The following IFT122 variants were observed in gnomAD, a reference collection of about 807,000 sequenced individuals.
IFT122 encodes the protein intraflagellar transport protein 122 homolog.
IFT122 carries 118 observed loss-of-function variants against 161.6 expected under a neutral mutation model. The observed-to-expected ratio is 0.73, with a 90% CI of 0.63 to 0.85. The LOEUF (loss-of-function observed/expected upper bound fraction) is 0.85, where lower values mean the gene tolerates loss of function less well. IFT122 is among the 40% of genes least tolerant of loss of function. IFT122 has a pLI of 0.00. For missense variants in IFT122, 1,381 were observed against 1,579.6 expected (o/e 0.87, Z 2.13); for synonymous variants, 550 against 602.4 (o/e 0.91, Z 1.27).
rs759107218 is a variant in IFT122, at chr3:129,464,753, A to G, written c.535A>G (p.Ile179Val). 72 of 1,614,020 alleles carry G rather than the reference A, an allele frequency of 4.5e-5. 1 individual carries two copies. The South Asian group carries it at 4.7e-4, about 11-fold the overall frequency. The change falls in exon 7 of 30, where the codon ATA becomes GTA. Residue 179 changes from isoleucine to valine, a missense_variant. Ile to Val is a conservative substitution (Grantham distance 29). Transcript: ENST00000348417. The stretch of plus-strand genomic sequence containing the variant: ...GCGGCCGGGGGGCTCCCTCTCGCCA[A>G]TATGGTCCATCTGCTGGAACCCTTC... Reference protein sequence around the residue: ...IERPGGSLSPIWSICWNPSSR... With the variant: ...IERPGGSLSPVWSICWNPSSR...
intron 9 of IFT122, among the ~76,000 whole-genome samples, chr3:129,474,067 C>T (rs3774767): frequency 2.0e-5 from 3 of 151,964 alleles, no homozygotes; most frequent in Non-Finnish European, 4.4e-5. Flanking sequence ...GGAAAGTTTT[C>T]GTTGCTAGGC....
chr3:129,508,723 G>C (rs748413611), intron 23 of IFT122, among the ~76,000 whole-genome samples: 2 of 152,212 alleles, frequency 1.3e-5, no homozygotes, highest in Admixed American at 6.5e-5. Flanking sequence ...GCATCCTGCT[G>C]GTTGTGGAAG....
At chr3:129,502,198 T>C (rs1021592372) in intron 19 of IFT122, among the ~76,000 whole-genome samples, 1 of 152,198 alleles carries the variant, frequency 6.6e-6, no homozygotes, top group African/African-American at 2.4e-5. Context: ...CACCTCTTCC[T>C]TTAGAGGGCA....
chr3:129,499,061 C>G (rs1368567601), intron 18 of IFT122, among the ~76,000 whole-genome samples: 1 of 152,210 alleles, frequency 6.6e-6, no homozygotes, highest in Non-Finnish European at 1.5e-5. Context: ...ATCTCTGAGC[C>G]TCCAGGACCA....
At chr3:129,509,266 A>G (rs1462913481) in intron 23 of IFT122, among the ~76,000 whole-genome samples, 2 of 152,238 alleles carry the variant, frequency 1.3e-5, no homozygotes, top group South Asian at 2.1e-4. Flanking sequence ...CACCTTCCCA[A>G]TTTGCTTCAA....
rs1254422217 is a variant in IFT122, at chr3:129,479,923, G to T, written c.1488+1G>T. 6.2e-7 allele frequency: 1 copy of T among 1,613,862 alleles called. No homozygotes were observed. The highest frequency in any genetic ancestry group is 8.5e-7 in the Non-Finnish European group (1 of 1,179,938). On this transcript the variant is annotated splice_donor_variant, in intron 13 of 29. Transcript: ENST00000348417. LOFTEE classifies it high-confidence loss of function. ...CTTAGTGGGGCTGAAGAATGGACAGGTGAGTGCTCCCTCACGTCTCCTGTC... is the reference window on the plus strand; with the variant it reads ...CTTAGTGGGGCTGAAGAATGGACAGTTGAGTGCTCCCTCACGTCTCCTGTC...
At chr3:129,474,678 T>C (rs1014319867) in intron 9 of IFT122, among the ~76,000 whole-genome samples, 3 of 152,132 alleles carry the variant, frequency 2.0e-5, no homozygotes, top group African/African-American at 7.2e-5. Context: ...ATTGCCCGCT[T>C]AGGAAACTTA....
At chr3:129,465,659 G>A (rs1328559811) in intron 7 of IFT122, among the ~76,000 whole-genome samples, 4 of 118,522 alleles carry the variant, frequency 3.4e-5, no homozygotes, top group Non-Finnish European at 6.5e-5. Context: ...TTTTTGAGAC[G>A]GAGTCTCGCT....
rs2108448565 is a variant in IFT122, at chr3:129,492,145, T to G, written c.1997T>G (p.Phe666Cys). The change falls in exon 17 of 30, where the codon TTC (phenylalanine) becomes TGC (cysteine). Residue 666 changes from phenylalanine to cysteine, a missense_variant. Coordinates refer to ENST00000348417, the MANE Select transcript of IFT122 (RefSeq NM_052989.3). The stretch of plus-strand genomic sequence containing the variant: ...TTCTTTATTTCTTCGCCACAGGCCT[T>G]CATCAGAGTACAAGACCTCCGATAT... ...GLDFETAKKA[F>C]IRVQDLRYLE... 1 of 1,611,682 alleles carries G rather than the reference T, an allele frequency of 6.2e-7. No individual in the cohort carries two copies. Among genetic ancestry groups the G allele is most frequent in the Middle Eastern group, 1.7e-4 (1 of 6,054 alleles).
intron 3 of IFT122, chr3:129,456,070 A>G (rs2075441495): frequency 2.2e-6 from 1 of 461,270 alleles, no homozygotes; most frequent in Non-Finnish European, 4.3e-6. Flanking sequence ...TCTTCACACC[A>G]ACCATGAGGT....
At chr3:129,489,885 A>G (rs902794109) in intron 16 of IFT122, among the ~76,000 whole-genome samples, 8 of 151,316 alleles carry the variant, frequency 5.3e-5, no homozygotes, top group African/African-American at 1.7e-4. Flanking sequence ...AGGCATCTCT[A>G]TGGAGGGAGC....
Position 129,517,650 on chromosome 3 carries a change from C to T in IFT122, c.3391+56C>T, listed in dbSNP as rs1303745817. 3 of 1,599,406 alleles carry T rather than the reference C, an allele frequency of 1.9e-6. No individual in the cohort carries two copies. In the African/African-American group the frequency reaches 4.0e-5, roughly 21 times the overall value. On this transcript the variant is annotated intron_variant, in intron 27 of 29. Coordinates refer to ENST00000348417, the MANE Select transcript of IFT122 (RefSeq NM_052989.3). ...TGCGGCTGTGTGAGGGGTCTGGGGA[C>T]AGGCGGGAAGTAGGAGGGCCCAGTC...
rs943752861 is a variant in IFT122, at chr3:129,461,395, C to T, written c.349+91C>T. 3 of 932,492 alleles carry T rather than the reference C, an allele frequency of 3.2e-6. No individual in the cohort carries two copies. The African/African-American group carries it at 4.8e-5, about 15-fold the overall frequency. 57.8% of individuals were successfully genotyped at this position (932,492 alleles called of 1,614,324 possible). A position where few individuals can be genotyped will look rare whatever the true frequency, so the allele number is the denominator to read the frequency against. On this transcript the variant is annotated intron_variant, in intron 5 of 29. Coordinates refer to ENST00000348417, the MANE Select transcript of IFT122 (RefSeq NM_052989.3). ...GCATTCAGAATATGGTGATTTTATC[C>T]TGAGAGAGTTAATACTACTTCTCTA...
chr3:129,465,965 A>T (rs567413216), intron 7 of IFT122, among the ~76,000 whole-genome samples: 2 of 151,322 alleles, frequency 1.3e-5, no homozygotes, highest in East Asian at 2.0e-4. Context: ...TTGCCACCAC[A>T]CCTGGCTAAT....
rs2260840 is a variant in IFT122, at chr3:129,515,416, T to C, written c.3154-72T>C. 0.16 allele frequency: 188,683 copies of C among 1,168,144 alleles called. 35,051 individuals carry two copies. Among genetic ancestry groups the C allele is most frequent in the African/African-American group, 0.7 (40,854 of 58,086 alleles). 72.4% of individuals were successfully genotyped at this position (1,168,144 alleles called of 1,614,324 possible). On this transcript the variant is annotated intron_variant, in intron 25 of 29. Transcript: ENST00000348417. Reference sequence around the variant, plus strand: ...TCTTGGCAGCCAGGCCCCAGGGGCCTGAAGCCAGAGTCCAGGGGGAGGAGG... The same window carrying C: ...TCTTGGCAGCCAGGCCCCAGGGGCCCGAAGCCAGAGTCCAGGGGGAGGAGG...
In IFT122 at chr3:129,469,337, A is replaced by C. The variant is rs750506005; in HGVS notation, c.741-5A>C. On this transcript the variant is annotated splice_polypyrimidine_tract_variant and splice_region_variant and intron_variant, in intron 8 of 29. Transcript: ENST00000348417. ...TCATAACCTCTTTTATCTTCTGTTG[A>C]TTAGAGAGGAACGTAATGACATCCT... 1.2e-6 allele frequency: 2 copies of C among 1,613,238 alleles called. No homozygotes were observed. Among genetic ancestry groups the C allele is most frequent in the Admixed American group, 3.3e-5 (2 of 60,022 alleles).
intron 19 of IFT122, 28 bp downstream of exon 19, chr3:129,500,096 C>T: frequency 6.2e-7 from 1 of 1,613,072 alleles, no homozygotes; most frequent in Non-Finnish European, 8.5e-7. Context: ...CCCCGAGAAG[C>T]ATTTGGCAGC....
intron 10 of IFT122, 68 bp from the exon 11 acceptor site, chr3:129,476,595 G>A: frequency 1.2e-6 from 2 of 1,614,002 alleles, no homozygotes; most frequent in South Asian, 1.1e-5. Context: ...TGGGGTTTGT[G>A]TCTGACAAAT....
At chr3:129,512,503 C>T (rs1445450077) in intron 24 of IFT122, 91 bp downstream of exon 24, 1 of 909,614 alleles carries the variant, frequency 1.1e-6, no homozygotes, top group Non-Finnish European at 1.9e-6. Flanking sequence ...CTGGCAGAAC[C>T]TTCCTCTCTC....
Sources: allele counts gnomAD v4.1 joint callset (sites outside exome capture counted in the v4.1 genomes callset), GRCh38; gene constraint gnomAD v4.1.1; transcripts MANE v1.5; gene names NCBI Gene and HGNC (gene_info 2026-07-23, HGNC 2026-07-21).